Variants in PCDHGA5 observed in about 807,000 individuals in gnomAD.
The protein encoded by PCDHGA5 is protocadherin gamma subfamily A, 5.
PCDHGA5 carries 36 observed loss-of-function variants against 56.7 expected under a neutral mutation model. The observed-to-expected ratio is 0.64, with a 90% CI of 0.49 to 0.84. The LOEUF (loss-of-function observed/expected upper bound fraction) is 0.84. PCDHGA5 is among the 40% of genes least tolerant of loss of function. The pLI, the probability that PCDHGA5 is intolerant of heterozygous loss-of-function variation, is 0.00. For missense variants in PCDHGA5, 1,305 were observed against 1,201.5 expected (o/e 1.09, Z -1.27); for synonymous variants, 563 against 520.2 (o/e 1.08, Z -1.12).
At chr5:141,380,361 GA>G (rs980591138) in intron 1 of PCDHGA5, among the ~76,000 whole-genome samples, 1 of 151,502 alleles carries the variant, frequency 6.6e-6, no homozygotes, top group Non-Finnish European at 1.5e-5. Flanking sequence ...TTGTTTTTTA[GA>G]AAAAAAAGTC....
chr5:141,492,146 C>T (rs979485619), intron 1 of PCDHGA5, among the ~76,000 whole-genome samples: 3 of 152,242 alleles, frequency 2.0e-5, no homozygotes, highest in African/African-American at 4.8e-5. Flanking sequence ...TGTGACTTCA[C>T]TGTTACCCTC....
intron 1 of PCDHGA5, chr5:141,372,263 G>A: frequency 6.2e-7 from 1 of 1,613,110 alleles, no homozygotes; most frequent in Admixed American, 1.7e-5. Flanking sequence ...GCCTGCGCAC[G>A]GGTGAGGTGC....
intron 1 of PCDHGA5, among the ~76,000 whole-genome samples, chr5:141,430,013 G>T (rs2097256191): frequency 6.6e-6 from 1 of 151,922 alleles, no homozygotes; most frequent in South Asian, 2.1e-4. Context: ...TTTTCACTTG[G>T]GTTCTTGTTA....
chr5:141,421,513 C>G lies in PCDHGA5; in HGVS notation c.2421+54762C>G, dbSNP rs368199651. ...GGCAGGCAGGATAGACCGGGAGGAG[C>G]TCTGTGAGACGGTGTCCTCCTGTTT... On this transcript the variant is annotated intron_variant, in intron 1 of 3. Coordinates refer to ENST00000518069, the MANE Select transcript of PCDHGA5 (RefSeq NM_018918.3). 61 of 1,614,078 alleles carry G rather than the reference C, an allele frequency of 3.8e-5. No individual in the cohort carries two copies. The African/African-American group carries it at 7.5e-4, about 20-fold the overall frequency.
intron 1 of PCDHGA5, chr5:141,410,258 G>A: frequency 6.2e-7 from 1 of 1,614,022 alleles, no homozygotes; most frequent in East Asian, 2.2e-5. Context: ...TGACCCCCAG[G>A]CTGAACTGCA....
intron 1 of PCDHGA5, chr5:141,392,652 A>T: frequency 1.4e-6 from 1 of 713,126 alleles, no homozygotes; most frequent in South Asian, 2.2e-5. Flanking sequence ...GAAGACCCGC[A>T]GATGCCACAA....
At chr5:141,430,396 A>G (rs1433813025) in intron 1 of PCDHGA5, among the ~76,000 whole-genome samples, 5 of 151,842 alleles carry the variant, frequency 3.3e-5, no homozygotes, top group Non-Finnish European at 7.4e-5. Context: ...AAAAAAAAAA[A>G]GCTCACTAAA....
intron 1 of PCDHGA5, among the ~76,000 whole-genome samples, chr5:141,435,017 C>T (rs1477938779): frequency 1.3e-5 from 2 of 151,994 alleles, no homozygotes; most frequent in Middle Eastern, 3.2e-3. Flanking sequence ...AATGATAATG[C>T]TCTTTTCCCA....
At chr5:141,421,025 A>C (rs1047305594) in intron 1 of PCDHGA5, 4 of 526,168 alleles carry the variant, frequency 7.6e-6, no homozygotes, top group African/African-American at 5.9e-5. Context: ...GCTGCGCGCC[A>C]TTGAGTCCCT....
chr5:141,432,133 C>G lies in PCDHGA5; in HGVS notation c.2422-62674C>G. ...CGGTCTTCCCTCAGGCCTCCTATTC[C>G]GCTTATATCCCAGAGAACAATCCCA... On this transcript the variant is annotated intron_variant, in intron 1 of 3. Transcript: ENST00000518069. The surrounding 1 kb of genome is among the most constrained non-coding windows in gnomAD (Gnocchi z 6.0). 1 of 1,614,142 alleles carries G rather than the reference C, an allele frequency of 6.2e-7. No homozygotes were observed. The highest frequency in any genetic ancestry group is 1.1e-5 in the South Asian group (1 of 91,070).
At chr5:141,376,728 G>A (rs1773296004) in intron 1 of PCDHGA5, 1 of 538,000 alleles carries the variant, frequency 1.9e-6, no homozygotes, top group Non-Finnish European at 3.1e-6. Context: ...CGCCCAGGCC[G>A]GACTGCGGAC....
At chr5:141,375,379 G>A in intron 1 of PCDHGA5, 1 of 1,613,912 alleles carries the variant, frequency 6.2e-7, no homozygotes, top group Non-Finnish European at 8.5e-7. Context: ...CACCACCTCT[G>A]TCTACAGAAA....
intron 1 of PCDHGA5, chr5:141,404,577 T>C (rs2094542300): frequency 6.2e-7 from 1 of 1,613,954 alleles, no homozygotes; most frequent in South Asian, 1.1e-5. Context: ...AGCCCACCAC[T>C]TAGCAGCAAT....
chr5:141,417,969 T>G, intron 1 of PCDHGA5: 1 of 1,613,768 alleles, frequency 6.2e-7, no homozygotes, highest in Non-Finnish European at 8.5e-7. Flanking sequence ...CGCTACTCGA[T>G]TCCGGAGGAG....
chr5:141,412,108 G>A (rs897331971), intron 1 of PCDHGA5: 2 of 152,198 alleles, frequency 1.3e-5, no homozygotes, highest in Admixed American at 6.5e-5. Flanking sequence ...CACAGTTGAA[G>A]ATATGTGAAC....
rs2099718995 is a variant in PCDHGA5 at position 141,491,523 on chromosome 5, G to A, written c.2422-3284G>A. On this transcript the variant is annotated intron_variant, in intron 1 of 3. Transcript: ENST00000518069. This position sits in a 1 kb window ranked among gnomAD's most constrained non-coding sequence, Gnocchi z 6.9. ...CGGACGGCACGCTCAAGTACATGGAGGTGACGCTGCGGCCCACAGACTCGC... is the reference window on the plus strand; with the variant it reads ...CGGACGGCACGCTCAAGTACATGGAAGTGACGCTGCGGCCCACAGACTCGC... The A allele has an allele frequency of 3.1e-6, 5 of 1,613,954 alleles. No individual in the cohort carries two copies. The highest frequency in any genetic ancestry group is 3.4e-6 in the Non-Finnish European group (4 of 1,180,032).
chr5:141,463,590 A>G (rs975534405), intron 1 of PCDHGA5, among the ~76,000 whole-genome samples: 3 of 151,848 alleles, frequency 2.0e-5, no homozygotes, highest in African/African-American at 7.3e-5. Flanking sequence ...CTGGGACTAC[A>G]GGTGCCTGCC....
intron 1 of PCDHGA5, chr5:141,440,348 C>G (rs2098169693): frequency 6.6e-6 from 1 of 152,190 alleles, no homozygotes; most frequent in South Asian, 2.1e-4. Flanking sequence ...GGCCTATAAT[C>G]CTAGCTACTC....
intron 1 of PCDHGA5, chr5:141,374,714 G>C (rs1236113306): frequency 1.2e-6 from 2 of 1,609,850 alleles, no homozygotes; most frequent in South Asian, 2.2e-5. Flanking sequence ...TTACCGCCTG[G>C]TCCTTACTGC....
Sources: allele counts gnomAD v4.1 joint callset (sites outside exome capture counted in the v4.1 genomes callset), GRCh38; gene constraint gnomAD v4.1.1; non-coding constraint Gnocchi (gnomAD v3.1); transcripts MANE v1.5; gene names NCBI Gene and HGNC (gene_info 2026-07-23, HGNC 2026-07-21).